Variants in SLC9A8 observed in about 807,000 individuals in gnomAD.
The protein encoded by SLC9A8 is sodium/hydrogen exchanger 8.
In SLC9A8, 48 loss-of-function variants were observed where a neutral mutation model predicts 66.6. The ratio of observed to expected loss-of-function variants is 0.72; its 90% confidence interval spans 0.57 to 0.92. The LOEUF is 0.92. Among genes scored for constraint, SLC9A8 ranks in the 40% least tolerant of loss-of-function variants. The pLI, the probability that SLC9A8 is intolerant of heterozygous loss-of-function variation, is 0.00. For synonymous variants in SLC9A8, 274 were observed against 282.6 expected, an observed-to-expected ratio of 0.97 and a Z score of 0.31; for missense variants, 599 against 747.3, an observed-to-expected ratio of 0.80 and a Z score of 2.31.
rs920378827 is a variant in SLC9A8, at chr20:49,890,096, G to A, written c.*2160G>A. The A allele has an allele frequency of 3.3e-5, 5 of 152,180 alleles. No individual in the cohort carries two copies. The highest frequency in any genetic ancestry group is 5.9e-5 in the Non-Finnish European group (4 of 68,054). 9.4% of individuals were successfully genotyped at this position (152,180 alleles called of 1,614,324 possible). A position where few individuals can be genotyped will look rare whatever the true frequency, so the allele number is the denominator to read the frequency against. On this transcript the variant is annotated 3_prime_UTR_variant, in exon 16 of 16. Transcript: ENST00000361573. The stretch of plus-strand genomic sequence containing the variant: ...AGGATTTGTTGGGGGCAAAGGGGGT[G>A]GCGGGACCGTTCCCAGGAGGTACCA...
intron 2 of SLC9A8, among the ~76,000 whole-genome samples, chr20:49,820,928 G>A (rs1270761630): frequency 6.6e-6 from 1 of 152,122 alleles, no homozygotes; most frequent in Non-Finnish European, 1.5e-5. Flanking sequence ...GACTATTGAT[G>A]TTGAACATCT....
chr20:49,887,591 A>T (rs1157524881), intron 15 of SLC9A8, among the ~76,000 whole-genome samples: 1 of 152,122 alleles, frequency 6.6e-6, no homozygotes, highest in East Asian at 1.9e-4. Context: ...CAGAGACCAC[A>T]TGTTCAGCCT....
intron 3 of SLC9A8, among the ~76,000 whole-genome samples, chr20:49,832,336 A>T (rs992084576): frequency 4.6e-5 from 7 of 152,230 alleles, no homozygotes; most frequent in Admixed American, 2.0e-4. Flanking sequence ...GTCGGGGGTG[A>T]AAAGAACTGG....
rs898992136 is a variant in SLC9A8, at chr20:49,834,728, G to A, written c.290-4813G>A. Among the ~76,000 whole-genome samples, 9 of 151,880 alleles carry A rather than the reference G, an allele frequency of 5.9e-5. No homozygotes were observed. In the South Asian group the frequency reaches 6.2e-4, roughly 11 times the overall value. ...AGTACATCATAAATAATAAAAAGAC[G>A]CAGGCTTGGGCAATAGAATAATTAC... is the stretch of plus-strand genomic sequence containing the variant. On this transcript the variant is annotated intron_variant, in intron 3 of 15. Transcript: ENST00000361573.
chr20:49,857,574 C>A (rs184930576), intron 8 of SLC9A8, among the ~76,000 whole-genome samples: 1 of 152,216 alleles, frequency 6.6e-6, no homozygotes, highest in East Asian at 1.9e-4. Context: ...AAAGATTAGC[C>A]AGGTGTGGTG....
chr20:49,844,976 T>G, intron 4 of SLC9A8, 60 bp from the exon 5 acceptor site: 1 of 1,229,020 alleles, frequency 8.1e-7, no homozygotes, highest in South Asian at 1.2e-5. Flanking sequence ...CTTTATTGAT[T>G]AATTTATTTC....
At chr20:49,882,681 T>C (rs2089674652) in intron 13 of SLC9A8, among the ~76,000 whole-genome samples, 1 of 152,212 alleles carries the variant, frequency 6.6e-6, no homozygotes, top group Admixed American at 6.5e-5. Flanking sequence ...CCCTATGCCT[T>C]TGCATCCCCC....
chr20:49,865,601 T>C (rs770994275), intron 10 of SLC9A8, among the ~76,000 whole-genome samples: 2 of 151,896 alleles, frequency 1.3e-5, no homozygotes, highest in Non-Finnish European at 2.9e-5. Flanking sequence ...CCCTAGAAGA[T>C]GATGCTCACC....
intron 1 of SLC9A8, among the ~76,000 whole-genome samples, chr20:49,813,243 C>T (rs1274848512): frequency 6.6e-6 from 1 of 152,234 alleles, no homozygotes; most frequent in African/African-American, 2.4e-5. Flanking sequence ...TTTCGGTAAT[C>T]TCATGGTTAC....
chr20:49,879,653 C>T (rs532930531), intron 12 of SLC9A8, among the ~76,000 whole-genome samples: 12 of 151,828 alleles, frequency 7.9e-5, no homozygotes, highest in African/African-American at 2.9e-4. Flanking sequence ...GGCGAAACCC[C>T]GTCTCTACTA....
chr20:49,855,681 T>A, intron 8 of SLC9A8, 100 bp downstream of exon 8: 1 of 1,164,394 alleles, frequency 8.6e-7, no homozygotes, highest in East Asian at 2.6e-5. Flanking sequence ...GTACAGTTGC[T>A]TGTCCTCTGG....
chr20:49,835,447 C>T (rs2087491401), intron 3 of SLC9A8, among the ~76,000 whole-genome samples: 1 of 152,104 alleles, frequency 6.6e-6, no homozygotes, highest in African/African-American at 2.4e-5. Flanking sequence ...TCACCTCTAC[C>T]TAATTCCAGA....
At chr20:49,865,815 C>T (rs77146093) in intron 10 of SLC9A8, among the ~76,000 whole-genome samples, 5,518 of 152,254 alleles carry the variant, frequency 0.036, 145 homozygotes, top group East Asian at 0.088. Flanking sequence ...GAGGGGGCAG[C>T]CAGTTGGGAA....
At chr20:49,834,350 GTATA>G (rs375573098) in intron 3 of SLC9A8, among the ~76,000 whole-genome samples, 7 of 58,564 alleles carry the variant, frequency 1.2e-4, no homozygotes, top group African/African-American at 2.2e-4. Flanking sequence ...TATATATACT[GTATA>G]TATATATATA....
At chr20:49,847,757 CAG>C (rs914798989) in intron 5 of SLC9A8, among the ~76,000 whole-genome samples, 2 of 152,038 alleles carry the variant, frequency 1.3e-5, no homozygotes, top group Admixed American at 1.3e-4. Flanking sequence ...CAGAGAGAAA[CAG>C]ATAAATTTGC....
intron 7 of SLC9A8, among the ~76,000 whole-genome samples, chr20:49,853,981 GATC>G (rs1204017694): frequency 6.6e-6 from 1 of 152,184 alleles, no homozygotes; most frequent in Non-Finnish European, 1.5e-5. Context: ...GCAGCCAAAA[GATC>G]ACCCATTGAA....
At chr20:49,814,441 A>G (rs974686453) in intron 1 of SLC9A8, among the ~76,000 whole-genome samples, 1 of 152,212 alleles carries the variant, frequency 6.6e-6, no homozygotes, top group African/African-American at 2.4e-5. Flanking sequence ...ATCCCAGCAC[A>G]GTGTGAAAGA....
At chr20:49,864,532 T>C (rs997075103) in intron 9 of SLC9A8, among the ~76,000 whole-genome samples, 1 of 152,220 alleles carries the variant, frequency 6.6e-6, no homozygotes, top group Non-Finnish European at 1.5e-5. Flanking sequence ...CATTTCTTAG[T>C]GTTTTGTCAG....
chr20:49,855,555 C>T lies in SLC9A8; in HGVS notation c.687C>T (p.Asn229=), dbSNP rs758038328. 16 of 1,614,020 alleles carry T rather than the reference C, an allele frequency of 9.9e-6. No individual in the cohort carries two copies. The highest frequency in any genetic ancestry group is 4.0e-5 in the African/African-American group (3 of 74,910). ...TGGTCTTTGGAGAAAGTATTCTCAACGATGCAGTCTCCATTGTTCTGACCA... is the reference window on the plus strand; with the variant it reads ...TGGTCTTTGGAGAAAGTATTCTCAATGATGCAGTCTCCATTGTTCTGACCA... The part of the protein sequence containing the change: ...NMLVFGESIL[N]DAVSIVLTNT... The change falls in exon 8 of 16, where the codon AAC becomes AAT. Residue 229 remains asparagine, a synonymous_variant. Coordinates refer to ENST00000361573, the MANE Select transcript of SLC9A8 (RefSeq NM_015266.3).
Sources: allele counts gnomAD v4.1 joint callset (sites outside exome capture counted in the v4.1 genomes callset), GRCh38; gene constraint gnomAD v4.1.1; transcripts MANE v1.5; gene names NCBI Gene and HGNC (gene_info 2026-07-23, HGNC 2026-07-21).